AKR1C3: variants seen among roughly 807,000 people sequenced by gnomAD.
The protein encoded by AKR1C3 is aldo-keto reductase family 1 member C3, also known as 3-alpha hydroxysteroid dehydrogenase, type II.
A neutral mutation model predicts 43.6 loss-of-function variants in AKR1C3; 48 were observed. The observed-to-expected ratio is 1.10, with a 90% CI of 0.87 to 1.40. The LOEUF (loss-of-function observed/expected upper bound fraction) is 1.40. AKR1C3 is among the 40% of genes most tolerant of loss of function. The probability of loss-of-function intolerance (pLI) is 0.00; values close to 1 mark genes in which losing one functional copy is unlikely to be tolerated. For missense variants in AKR1C3, 482 were observed against 391.2 expected (o/e 1.23, Z -1.96); for synonymous variants, 162 against 139.6 (o/e 1.16, Z -1.13).
At chr10:5,062,855 A>T (rs1554780362) in intron 1 of AKR1C3, among the ~76,000 whole-genome samples, 3 of 17,134 alleles carry the variant, frequency 1.8e-4, no homozygotes, top group East Asian at 0.053. Context: ...ACTCCTAGTT[A>T]AAAAAAAAAA....
chr10:5,054,109 T>G (rs1838212667), intron 1 of AKR1C3, among the ~76,000 whole-genome samples: 1 of 152,164 alleles, frequency 6.6e-6, no homozygotes. Flanking sequence ...CCCCGACTGG[T>G]TAGTGTGAAA....
intron 2 of AKR1C3, 138 bp from the exon 3 acceptor site, chr10:5,097,296 T>G: frequency 6.7e-6 from 7 of 1,042,360 alleles, no homozygotes; most frequent in Non-Finnish European, 9.8e-6. Context: ...AAAGGAATCA[T>G]GAGAAGGAAG....
intron 1 of AKR1C3, among the ~76,000 whole-genome samples, chr10:5,053,530 G>T (rs2131773844): frequency 6.6e-6 from 1 of 152,342 alleles, no homozygotes; most frequent in South Asian, 2.1e-4. Flanking sequence ...GCCTTGGCCA[G>T]CCCAGAAAGG....
rs1360582883 is a variant in AKR1C3 at position 5,107,643 on chromosome 10, T to G, written c.*140T>G. On this transcript the variant is annotated 3_prime_UTR_variant, in exon 9 of 9. Transcript: ENST00000380554. ...GCGACTTCAGTCAACTACAGCTGAG[T>G]CCATAGGCCAGAAAGACAATAAATT... 22 of 621,010 alleles carry G rather than the reference T, an allele frequency of 3.5e-5. No individual in the cohort carries two copies. Among genetic ancestry groups the G allele is most frequent in the Non-Finnish European group, 5.7e-6 (2 of 350,544 alleles). 38.5% of individuals were successfully genotyped at this position (621,010 alleles called of 1,614,324 possible).
At chr10:5,053,157 A>C (rs1838187188) in intron 1 of AKR1C3, among the ~76,000 whole-genome samples, 1 of 152,356 alleles carries the variant, frequency 6.6e-6, no homozygotes, top group East Asian at 1.9e-4. Context: ...ACTCCTCAGC[A>C]CTTGGGTGGT....
intron 1 of AKR1C3, among the ~76,000 whole-genome samples, chr10:5,058,267 A>G (rs1022379172): frequency 4.6e-5 from 7 of 152,212 alleles, no homozygotes; most frequent in Admixed American, 3.3e-4. Flanking sequence ...CAATGAAAAG[A>G]AAACTTGGAC....
At chr10:5,078,272 G>A (rs1345648970) in intron 1 of AKR1C3, among the ~76,000 whole-genome samples, 3 of 152,072 alleles carry the variant, frequency 2.0e-5, no homozygotes, top group Non-Finnish European at 2.9e-5. Context: ...GTGAAACCTC[G>A]TCTCTACTGA....
chr10:5,055,275 C>T (rs117377088), intron 1 of AKR1C3, among the ~76,000 whole-genome samples: 3,833 of 152,306 alleles, frequency 0.025, 67 homozygotes, highest in Middle Eastern at 0.051. Flanking sequence ...TCATCTCAGA[C>T]GGCATAAATC....
chr10:5,077,813 C>T (rs1554781973), intron 1 of AKR1C3: 6 of 588,148 alleles, frequency 1.0e-5, no homozygotes, highest in African/African-American at 3.9e-5. Flanking sequence ...CAAATCTGAC[C>T]GATTTTCAAT....
At chr10:5,064,809 A>T (rs1309887872) in intron 1 of AKR1C3, among the ~76,000 whole-genome samples, 1 of 152,156 alleles carries the variant, frequency 6.6e-6, no homozygotes, top group Non-Finnish European at 1.5e-5. Flanking sequence ...GAGGAATGTA[A>T]ATCAAAACCA....
chr10:5,089,587 C>CAGA (rs1360755934), upstream of AKR1C3, among the ~76,000 whole-genome samples: 5 of 152,106 alleles, frequency 3.3e-5, no homozygotes, highest in East Asian at 9.7e-4. Context: ...TTTTTGTTTT[C>CAGA]AAATTTTTGG....
intron 1 of AKR1C3, among the ~76,000 whole-genome samples, chr10:5,064,528 A>G (rs1397456274): frequency 6.6e-6 from 1 of 152,200 alleles, no homozygotes; most frequent in Non-Finnish European, 1.5e-5. Flanking sequence ...AGAAAAGACA[A>G]GTGGGACCTA....
chr10:5,075,140 C>G (rs1265531771), intron 1 of AKR1C3, among the ~76,000 whole-genome samples: 6 of 152,166 alleles, frequency 3.9e-5, no homozygotes, highest in Non-Finnish European at 8.8e-5. Context: ...CCTCTTTTCT[C>G]CCTCCCATAA....
intron 1 of AKR1C3, among the ~76,000 whole-genome samples, chr10:5,055,547 C>T (rs1838242023): frequency 6.6e-6 from 1 of 152,240 alleles, no homozygotes; most frequent in African/African-American, 2.4e-5. Flanking sequence ...TCCACTGCTG[C>T]AACTACCCTT....
chr10:5,058,189 G>T (rs1838303728), intron 1 of AKR1C3, among the ~76,000 whole-genome samples: 1 of 152,222 alleles, frequency 6.6e-6, no homozygotes, highest in Non-Finnish European at 1.5e-5. Context: ...GCTAGGATCT[G>T]GAGGTAAGCT....
rs530185229 is a variant in AKR1C3 at position 5,084,800 on chromosome 10, G to A, written c.85-11610G>A. On this transcript the variant is annotated intron_variant, in intron 1 of 8. Transcript: ENST00000439082. ...CTTGAAGAGGTCCTTCACATCCCTT[G>A]TAAGTTGGATTCCTAGGTATTTTAT... 8.3e-3 allele frequency among the ~76,000 whole-genome samples: 1,262 copies of A among 152,206 alleles called. 14 individuals carry two copies. Among genetic ancestry groups the A allele is most frequent in the African/African-American group, 0.029 (1,221 of 41,476 alleles).
rs552488157 is a variant in AKR1C3, at chr10:5,060,250, G to T, written c.84+11355G>T. Among the ~76,000 whole-genome samples, 5 of 152,318 alleles carry T rather than the reference G, an allele frequency of 3.3e-5. No individual in the cohort carries two copies. In the East Asian group the frequency reaches 9.7e-4, roughly 29 times the overall value. On this transcript the variant is annotated intron_variant, in intron 1 of 8. Transcript: ENST00000439082. ...ACAGTGTGGAAGGGGACCCGAACAGGTTGCCACTGCTGGCTTGGCCAGCCT... is the reference window on the plus strand; with the variant it reads ...ACAGTGTGGAAGGGGACCCGAACAGTTTGCCACTGCTGGCTTGGCCAGCCT...
At chr10:5,095,591 A>T (rs1429254371) in intron 1 of AKR1C3, among the ~76,000 whole-genome samples, 2 of 152,126 alleles carry the variant, frequency 1.3e-5, no homozygotes, top group East Asian at 3.8e-4. Context: ...TAAAAATGAA[A>T]ACAGTTTATT....
exon 1 of AKR1C3, chr10:5,048,866 C>G (rs781882327): frequency 6.2e-7 from 1 of 1,613,890 alleles, no homozygotes; most frequent in African/African-American, 1.3e-5. Flanking sequence ...CATGCCTGTC[C>G]TGGGATTTGG....
Sources: gnomAD v4.1 joint callset for allele counts (sites outside exome capture counted in the v4.1 genomes callset) on GRCh38, gnomAD v4.1.1 for gene constraint, MANE v1.5 for transcripts, NCBI Gene and HGNC (gene_info 2026-07-23, HGNC 2026-07-21) for gene names.